Variants in PTPRN2 observed in about 807,000 individuals in gnomAD.
The protein encoded by PTPRN2 is protein tyrosine phosphatase receptor type N2.
In PTPRN2, 74 loss-of-function variants were observed where a neutral mutation model predicts 118.8. The observed-to-expected ratio is 0.62, with a 90% CI of 0.52 to 0.76. PTPRN2 has a LOEUF of 0.76. PTPRN2 is among the 30% of genes least tolerant of loss of function. The pLI, the probability that PTPRN2 is intolerant of heterozygous loss-of-function variation, is 0.00. For missense variants in PTPRN2, 1,481 were observed against 1,394.4 expected (o/e 1.06, Z -0.99); for synonymous variants, 641 against 608.0 (o/e 1.05, Z -0.80).
intron 14 of PTPRN2, among the ~76,000 whole-genome samples, chr7:157,656,086 G>A (rs1041536956): frequency 6.7e-6 from 1 of 149,748 alleles, no homozygotes; most frequent in South Asian, 2.1e-4. Context: ...AATAGCGGGT[G>A]CTCACTCTTA....
chr7:157,880,339 T>G (rs1044314031), intron 12 of PTPRN2, among the ~76,000 whole-genome samples: 7 of 152,216 alleles, frequency 4.6e-5, no homozygotes, highest in African/African-American at 1.7e-4. Flanking sequence ...ATGAAAAGGC[T>G]TCTATCAGGA....
intron 2 of PTPRN2, among the ~76,000 whole-genome samples, chr7:158,451,593 G>A (rs1818100758): frequency 2.0e-5 from 3 of 152,128 alleles, no homozygotes; most frequent in Admixed American, 2.0e-4. Flanking sequence ...ATTTCAAAAT[G>A]TCTTGAGGTC....
chr7:157,985,522 AAAGAG>A (rs1191995251), intron 11 of PTPRN2, among the ~76,000 whole-genome samples: 9 of 152,240 alleles, frequency 5.9e-5, no homozygotes, highest in African/African-American at 2.2e-4. Flanking sequence ...AATGGGAAAG[AAAGAG>A]AAGATACTGA....
chr7:158,195,412 T>C (rs1447482823), intron 4 of PTPRN2, among the ~76,000 whole-genome samples: 2 of 152,238 alleles, frequency 1.3e-5, no homozygotes, highest in Admixed American at 6.5e-5. Context: ...TGAGAAATTT[T>C]ATTATGATAT....
chr7:158,321,969 CG>C (rs1803058312), intron 2 of PTPRN2, among the ~76,000 whole-genome samples: 1 of 152,224 alleles, frequency 6.6e-6, no homozygotes. Flanking sequence ...TGCCTCTGCG[CG>C]GAAGCCTAAC....
intron 21 of PTPRN2, among the ~76,000 whole-genome samples, chr7:157,564,559 A>G (rs1375076476): frequency 6.6e-6 from 1 of 152,284 alleles, no homozygotes; most frequent in African/African-American, 2.4e-5. Context: ...TATTCAGAAT[A>G]TATAAAGAAC....
rs187890039 is a variant in PTPRN2, at chr7:158,055,837, C to G, written c.1723+25461G>C. On this transcript the variant is annotated intron_variant, in intron 11 of 22. Coordinates refer to ENST00000389418, the MANE Select transcript of PTPRN2 (RefSeq NM_002847.5). ...TCCGGGCTACTACTGGTCTCCGTGA[C>G]TTGGTGGTAGTTGTCCCCAGGGCCC... is the stretch of plus-strand genomic sequence containing the variant. Among the ~76,000 whole-genome samples, 33 of 151,786 alleles carry G rather than the reference C, an allele frequency of 2.2e-4. No individual in the cohort carries two copies. The East Asian group carries it at 6.2e-3, about 29-fold the overall frequency.
intron 12 of PTPRN2, among the ~76,000 whole-genome samples, chr7:157,744,459 A>T (rs1800807090): frequency 6.6e-6 from 1 of 152,200 alleles, no homozygotes; most frequent in Non-Finnish European, 1.5e-5. Flanking sequence ...CAACGATGGA[A>T]TCTGCTCTGG....
At chr7:158,060,883 C>T (rs905534467) in intron 11 of PTPRN2, among the ~76,000 whole-genome samples, 11 of 152,212 alleles carry the variant, frequency 7.2e-5, no homozygotes, top group Non-Finnish European at 1.5e-4. Context: ...TTGTTTGAAT[C>T]GAAAGTTTCC....
At chr7:157,568,291 C>G (rs188825457) in intron 21 of PTPRN2, among the ~76,000 whole-genome samples, 11 of 152,204 alleles carry the variant, frequency 7.2e-5, no homozygotes, top group African/African-American at 2.6e-4. Context: ...TCTCCCACCA[C>G]AGGCCTCAAG....
intron 2 of PTPRN2, among the ~76,000 whole-genome samples, chr7:158,330,074 G>C (rs898584678): frequency 9.1e-6 from 1 of 110,302 alleles, no homozygotes; most frequent in Admixed American, 8.8e-5. Context: ...CTCACCATAA[G>C]AGCTGACACC....
intron 12 of PTPRN2, among the ~76,000 whole-genome samples, chr7:157,892,978 C>A (rs952202665): frequency 1.3e-5 from 2 of 152,370 alleles, no homozygotes; most frequent in Admixed American, 6.5e-5. Flanking sequence ...AGATGCTGGG[C>A]TTGAGGGCCC....
rs572206151 is a variant in PTPRN2, at chr7:158,158,060, A to AT, written c.910+8870dup. Among the ~76,000 whole-genome samples the AT allele has an allele frequency of 4.8e-3, 721 of 148,752 alleles. 13 individuals carry two copies. The highest frequency in any genetic ancestry group is 0.031 in the Admixed American group (462 of 14,936). On this transcript the variant is annotated intron_variant, in intron 6 of 22. Transcript: ENST00000389418. ...TGATTAGGTGGCCAATTCTCTTCTA[A>AT]TTTTTTTTTTTTAAGCCAAGAGGCG...
chr7:158,224,602 T>C (rs1414012324), intron 3 of PTPRN2, among the ~76,000 whole-genome samples: 1 of 152,142 alleles, frequency 6.6e-6, no homozygotes, highest in Non-Finnish European at 1.5e-5. Flanking sequence ...TGGACATAAA[T>C]GTAAAAATGC....
intron 11 of PTPRN2, among the ~76,000 whole-genome samples, chr7:157,980,806 C>T (rs898340035): frequency 6.6e-6 from 1 of 152,168 alleles, no homozygotes; most frequent in African/African-American, 2.4e-5. Flanking sequence ...TCACATCTGC[C>T]CACAGCCTTG....
chr7:158,293,064 T>C (rs780895467), intron 3 of PTPRN2, among the ~76,000 whole-genome samples: 14 of 151,774 alleles, frequency 9.2e-5, no homozygotes, highest in Non-Finnish European at 1.3e-4. Flanking sequence ...TGACATTCAG[T>C]CTAAAAAAGA....
At position 158,509,258 on chromosome 7, in the gene PTPRN2, C is replaced by T. The variant is rs866040416; in HGVS notation, c.113-19473G>A. Among the ~76,000 whole-genome samples, 60 of 152,222 alleles carry T rather than the reference C, an allele frequency of 3.9e-4. No individual in the cohort carries two copies. The highest frequency in any genetic ancestry group is 1.4e-3 in the African/African-American group (56 of 41,450). ...AAGGCGGCAGCAAATGCACCATCCA[C>T]TTCCTTTCCTTGCCGGCCCGTCAGT... On this transcript the variant is annotated intron_variant, in intron 1 of 22. Transcript: ENST00000389418. This position sits in a 1 kb window ranked among gnomAD's most constrained non-coding sequence, Gnocchi z 4.4.
At chr7:157,996,449 A>G (rs1208334669) in intron 11 of PTPRN2, among the ~76,000 whole-genome samples, 1 of 152,234 alleles carries the variant, frequency 6.6e-6, no homozygotes, top group Non-Finnish European at 1.5e-5. Flanking sequence ...AAGAGAACCT[A>G]CTGGTCAGAT....
In PTPRN2 at chr7:157,893,373, C is replaced by T. The variant is rs551449658; in HGVS notation, c.1788+5300G>A. Among the ~76,000 whole-genome samples the T allele has an allele frequency of 4.6e-5, 7 of 152,310 alleles. No homozygotes were observed. The East Asian group carries it at 5.8e-4, about 13-fold the overall frequency. ...CTCCTGCCTCTGCCCTCAGCCCCCA[C>T]GGTCCCCCGCAGTCTAGGGAGAACC... On this transcript the variant is annotated intron_variant, in intron 12 of 22. Transcript: ENST00000389418. This position sits in a 1 kb window ranked among gnomAD's most constrained non-coding sequence, Gnocchi z 4.0.
Sources: allele counts gnomAD v4.1 joint callset (sites outside exome capture counted in the v4.1 genomes callset), GRCh38; gene constraint gnomAD v4.1.1; non-coding constraint Gnocchi (gnomAD v3.1); transcripts MANE v1.5; gene names NCBI Gene and HGNC (gene_info 2026-07-23, HGNC 2026-07-21).